Variants in CNTN1 observed in about 807,000 individuals in gnomAD.
CNTN1 encodes the protein contactin-1.
In CNTN1, 38 loss-of-function variants were observed where a neutral mutation model predicts 126.4. That is an observed-to-expected ratio of 0.30 (90% confidence interval 0.23 to 0.39). The LOEUF (loss-of-function observed/expected upper bound fraction) is 0.39. CNTN1 is among the 10% of genes least tolerant of loss of function. The probability of loss-of-function intolerance (pLI) is 1.00; values close to 1 mark genes in which losing one functional copy is unlikely to be tolerated. For missense variants in CNTN1, 1,009 were observed against 1,248.4 expected (o/e 0.81, Z 2.89); for synonymous variants, 413 against 422.6 (o/e 0.98, Z 0.28).
At chr12:40,978,830 A>C (rs1947749384) in intron 15 of CNTN1, 1 of 152,150 alleles carries the variant, frequency 6.6e-6, no homozygotes, top group Non-Finnish European at 1.5e-5. Context: ...TTTTGTCTTA[A>C]ATTCCCTTTA....
chr12:40,970,422 T>TA (rs1170828572), intron 15 of CNTN1, among the ~76,000 whole-genome samples: 1 of 152,172 alleles, frequency 6.6e-6, no homozygotes, highest in East Asian at 1.9e-4. Context: ...ACCTTTTTTT[T>TA]ACTATTTACC....
intron 1 of CNTN1, among the ~76,000 whole-genome samples, chr12:40,731,349 AACTTTTTAGTAAACC>A (rs1439811210): frequency 2.6e-5 from 4 of 152,048 alleles, no homozygotes; most frequent in Non-Finnish European, 5.9e-5. Flanking sequence ...ATGAATTACA[AACTTTTTAGTAAACC>A]ATAAATGACT....
intron 15 of CNTN1, among the ~76,000 whole-genome samples, chr12:40,962,682 C>T (rs554622480): frequency 6.6e-6 from 1 of 152,192 alleles, no homozygotes; most frequent in Non-Finnish European, 1.5e-5. Flanking sequence ...TAAATGTGTA[C>T]TTATAGAAAG....
At chr12:40,744,309 A>AG (rs1791043886) in intron 1 of CNTN1, among the ~76,000 whole-genome samples, 1 of 146,656 alleles carries the variant, frequency 6.8e-6, no homozygotes, top group South Asian at 2.1e-4. Flanking sequence ...TTAAATAAAA[A>AG]AAAAATAAAA....
intron 23 of CNTN1, among the ~76,000 whole-genome samples, chr12:41,042,533 T>C (rs1365212041): frequency 6.6e-6 from 1 of 152,088 alleles, no homozygotes; most frequent in Non-Finnish European, 1.5e-5. Context: ...AGTCTCCCAT[T>C]ATTATTGTGT....
intron 20 of CNTN1, among the ~76,000 whole-genome samples, chr12:41,021,742 G>T (rs188606007): frequency 6.6e-6 from 1 of 150,426 alleles, no homozygotes; most frequent in East Asian, 2.0e-4. Context: ...GTACACAGAA[G>T]AGTAGACTGG....
Position 40,873,551 on chromosome 12 carries a change from T to C in CNTN1, c.-76-34806T>C, listed in dbSNP as rs536131518. The stretch of plus-strand genomic sequence containing the variant: ...ATGTAAAATTTGAGCAATTTTTCTT[T>C]GCTTCTTCCAAATGTTCCTGTTAAA... On this transcript the variant is annotated intron_variant, in intron 1 of 23. Transcript: ENST00000551295. Among the ~76,000 whole-genome samples the C allele has an allele frequency of 3.9e-5, 6 of 152,324 alleles. No individual in the cohort carries two copies. The South Asian group carries it at 1.2e-3, about 32-fold the overall frequency.
chr12:41,035,428 A>G (rs983063508), intron 23 of CNTN1, among the ~76,000 whole-genome samples: 1 of 152,196 alleles, frequency 6.6e-6, no homozygotes, highest in African/African-American at 2.4e-5. Flanking sequence ...AAATTAATTC[A>G]TTCAATAAGT....
At chr12:40,820,919 T>G (rs1217150121) in intron 1 of CNTN1, among the ~76,000 whole-genome samples, 3 of 152,220 alleles carry the variant, frequency 2.0e-5, no homozygotes, top group Admixed American at 6.5e-5. Flanking sequence ...TTTTGAACCT[T>G]TGAGCAATCC....
chr12:40,793,454 C>T (rs1050956888), intron 1 of CNTN1, among the ~76,000 whole-genome samples: 1 of 98,886 alleles, frequency 1.0e-5, no homozygotes, highest in Non-Finnish European at 2.1e-5. Flanking sequence ...CCGTCAGCAC[C>T]TACTTGTGGG....
chr12:40,944,665 G>C (rs1265127865), intron 14 of CNTN1, among the ~76,000 whole-genome samples: 1 of 145,060 alleles, frequency 6.9e-6, no homozygotes, highest in Non-Finnish European at 1.5e-5. Flanking sequence ...GAATTGAAAG[G>C]TGTTACATTC....
chr12:40,865,416 G>T, intron 1 of CNTN1, among the ~76,000 whole-genome samples: 1 of 151,822 alleles, frequency 6.6e-6, no homozygotes, highest in African/African-American at 2.4e-5. Context: ...AGAAATTTTG[G>T]CCTAACTCGT....
intron 1 of CNTN1, among the ~76,000 whole-genome samples, chr12:40,759,575 C>T (rs1424310563): frequency 2.0e-5 from 3 of 151,776 alleles, no homozygotes; most frequent in African/African-American, 4.8e-5. Context: ...AAGTGATCCT[C>T]CCACCTGAGC....
intron 1 of CNTN1, among the ~76,000 whole-genome samples, chr12:40,844,569 A>G (rs769274940): frequency 6.6e-6 from 1 of 152,150 alleles, no homozygotes; most frequent in Admixed American, 6.5e-5. Flanking sequence ...TAAGAGTGAT[A>G]TTATTTAGAA....
intron 1 of CNTN1, among the ~76,000 whole-genome samples, chr12:40,879,915 C>T (rs1025351788): frequency 5.3e-5 from 8 of 151,962 alleles, no homozygotes; most frequent in African/African-American, 1.4e-4. Flanking sequence ...GCAAGAAATT[C>T]GTAGTGATTA....
At chr12:40,806,494 G>A (rs1006934667) in intron 1 of CNTN1, among the ~76,000 whole-genome samples, 1 of 152,108 alleles carries the variant, frequency 6.6e-6, no homozygotes, top group Non-Finnish European at 1.5e-5. Flanking sequence ...TCAGGGAAGT[G>A]CATGGCATCA....
chr12:40,871,902 ATT>A (rs961224653), intron 1 of CNTN1, among the ~76,000 whole-genome samples: 31 of 152,142 alleles, frequency 2.0e-4, no homozygotes, highest in African/African-American at 7.5e-4. Flanking sequence ...AATCTGGTTT[ATT>A]GAGTGATTTC....
chr12:40,828,204 A>G (rs1941682351), intron 1 of CNTN1: 1 of 152,280 alleles, frequency 6.6e-6, no homozygotes, highest in East Asian at 1.9e-4. Flanking sequence ...CTGCTGCAGG[A>G]GAGAGGCGTA....
chr12:40,812,744 T>C (rs1026167253), intron 1 of CNTN1, among the ~76,000 whole-genome samples: 1 of 152,144 alleles, frequency 6.6e-6, no homozygotes, highest in African/African-American at 2.4e-5. Flanking sequence ...TGGAATATCT[T>C]CTTACATCCC....
Sources: gnomAD v4.1 joint callset for allele counts (sites outside exome capture counted in the v4.1 genomes callset) on GRCh38, gnomAD v4.1.1 for gene constraint, MANE v1.5 for transcripts, NCBI Gene and HGNC (gene_info 2026-07-23, HGNC 2026-07-21) for gene names.